The following SEMA6D variants were observed in gnomAD, a reference collection of about 807,000 sequenced individuals.
The protein encoded by SEMA6D is semaphorin-6D.
SEMA6D carries 35 observed loss-of-function variants against 106.6 expected under a neutral mutation model. The ratio of observed to expected loss-of-function variants is 0.33; its 90% CI spans 0.25 to 0.44. SEMA6D has a LOEUF of 0.44. Ranked by LOEUF, SEMA6D falls within the 20% of genes least tolerant of loss-of-function variation. SEMA6D has a pLI of 1.00. For missense variants in SEMA6D, 1,185 were observed against 1,345.9 expected (o/e 0.88, Z 1.87); for synonymous variants, 499 against 487.7 (o/e 1.02, Z -0.31).
At chr15:47,518,244 G>C (rs1186358028) in intron 3 of SEMA6D, among the ~76,000 whole-genome samples, 2 of 152,182 alleles carry the variant, frequency 1.3e-5, no homozygotes, top group African/African-American at 4.8e-5. Flanking sequence ...AAGGGAGTGA[G>C]AGACAGAGCA....
intron 3 of SEMA6D, among the ~76,000 whole-genome samples, chr15:47,474,514 C>A (rs148860054): frequency 7.2e-4 from 110 of 152,264 alleles, no homozygotes; most frequent in African/African-American, 2.6e-3. Flanking sequence ...CAGCAAATGT[C>A]ACATGACTTT....
chr15:47,746,091 A>G (rs907945091), intron 1 of SEMA6D, among the ~76,000 whole-genome samples: 1 of 152,222 alleles, frequency 6.6e-6, no homozygotes, highest in South Asian at 2.1e-4. Flanking sequence ...GGCAAATACT[A>G]ATACAAAGGC....
chr15:47,436,304 C>G (rs1405480898), intron 2 of SEMA6D, among the ~76,000 whole-genome samples: 1 of 151,618 alleles, frequency 6.6e-6, no homozygotes, highest in Non-Finnish European at 1.5e-5. Context: ...GCAGGACCAT[C>G]GCTTCAACCC....
chr15:47,399,755 A>T (rs1453257196), intron 1 of SEMA6D, among the ~76,000 whole-genome samples: 1 of 152,230 alleles, frequency 6.6e-6, no homozygotes, highest in Non-Finnish European at 1.5e-5. Context: ...TAATTATATT[A>T]TCTCACTCAT....
chr15:47,387,529 A>G (rs2132661), intron 1 of SEMA6D, among the ~76,000 whole-genome samples: 33,423 of 152,152 alleles, frequency 0.22, 3,953 homozygotes, highest in Middle Eastern at 0.33. Flanking sequence ...TAAATGAATA[A>G]TGTTGAAAGT....
intron 2 of SEMA6D, among the ~76,000 whole-genome samples, chr15:47,455,150 G>A (rs1003064331): frequency 6.6e-6 from 1 of 151,646 alleles, no homozygotes; most frequent in Admixed American, 6.6e-5. Context: ...TAGGAGTCAG[G>A]CATTAGAAGG....
At chr15:47,683,817 C>G (rs2078411567) in intron 4 of SEMA6D, among the ~76,000 whole-genome samples, 2 of 152,192 alleles carry the variant, frequency 1.3e-5, no homozygotes, top group African/African-American at 4.8e-5. Flanking sequence ...GAAATATTGA[C>G]TGCACAATGG....
chr15:47,686,270 T>C (rs974891129), intron 4 of SEMA6D, among the ~76,000 whole-genome samples: 2 of 152,054 alleles, frequency 1.3e-5, no homozygotes, highest in Non-Finnish European at 1.5e-5. Flanking sequence ...AAAAAAAAAC[T>C]TTAAATATTT....
At chr15:47,672,170 G>C (rs562286261) in intron 4 of SEMA6D, among the ~76,000 whole-genome samples, 4 of 152,284 alleles carry the variant, frequency 2.6e-5, no homozygotes, top group African/African-American at 9.6e-5. Context: ...CGACTTGCCA[G>C]AGGTCTCACG....
intron 1 of SEMA6D, among the ~76,000 whole-genome samples, chr15:47,281,572 T>C (rs1382960305): frequency 6.6e-6 from 1 of 152,036 alleles, no homozygotes; most frequent in Non-Finnish European, 1.5e-5. Flanking sequence ...CCTGTCGTTA[T>C]GATGTTAGCT....
chr15:47,718,910 G>A (rs866248627), intron 1 of SEMA6D: 1 of 152,236 alleles, frequency 6.6e-6, no homozygotes, highest in African/African-American at 2.4e-5. Context: ...GACAGCGGCG[G>A]TGTTTGTCCC....
chr15:47,217,125 A>C (rs1440915723), intron 1 of SEMA6D, among the ~76,000 whole-genome samples: 1 of 152,178 alleles, frequency 6.6e-6, no homozygotes, highest in Non-Finnish European at 1.5e-5. Context: ...CAGCCTCTGA[A>C]GATGTGAGAA....
At chr15:47,766,940 CTT>C (rs11353659) in intron 16 of SEMA6D, 95 bp from the exon 17 acceptor site, 5,393 of 580,630 alleles carry the variant, frequency 9.3e-3, no homozygotes, top group East Asian at 0.019. Context: ...AATTTATAGT[CTT>C]TTTTTTTTTT....
intron 3 of SEMA6D, among the ~76,000 whole-genome samples, chr15:47,591,207 T>C (rs1293686052): frequency 6.6e-6 from 1 of 152,134 alleles, no homozygotes; most frequent in Non-Finnish European, 1.5e-5. Flanking sequence ...ACAGACTCCC[T>C]CTTGTTCTTT....
chr15:47,611,347 C>A (rs964847549), intron 4 of SEMA6D, among the ~76,000 whole-genome samples: 3 of 152,122 alleles, frequency 2.0e-5, no homozygotes, highest in African/African-American at 7.2e-5. Context: ...GTTATGACAA[C>A]ATGCTATCAT....
chr15:47,730,965 C>T (rs952554279), intron 1 of SEMA6D: 7 of 676,794 alleles, frequency 1.0e-5, no homozygotes, highest in Non-Finnish European at 1.8e-5. Context: ...GAGCAATCTT[C>T]CTATTTTAAT....
At chr15:47,642,326 CTG>C (rs1033932861) in intron 4 of SEMA6D, among the ~76,000 whole-genome samples, 3 of 152,106 alleles carry the variant, frequency 2.0e-5, no homozygotes, top group African/African-American at 7.2e-5. Flanking sequence ...GATGAGTAAA[CTG>C]GGGTGCAGAG....
At chr15:47,336,630 C>CG (rs1424715311) in intron 1 of SEMA6D, among the ~76,000 whole-genome samples, 1 of 152,078 alleles carries the variant, frequency 6.6e-6, no homozygotes, top group African/African-American at 2.4e-5. Flanking sequence ...CTAATAGGGA[C>CG]GGCAGTGTCC....
chr15:47,715,788 T>C (rs1360859158), upstream of SEMA6D, among the ~76,000 whole-genome samples: 3 of 152,328 alleles, frequency 2.0e-5, no homozygotes, highest in South Asian at 2.1e-4. Flanking sequence ...TAATTTTTTT[T>C]CCCTCTTTGC....
Sources: allele counts gnomAD v4.1 joint callset (sites outside exome capture counted in the v4.1 genomes callset), GRCh38; gene constraint gnomAD v4.1.1; transcripts MANE v1.5; gene names NCBI Gene and HGNC (gene_info 2026-07-23, HGNC 2026-07-21).